The following AJAP1 variants were observed in gnomAD, a reference collection of about 807,000 sequenced individuals.
AJAP1 encodes adherens junction-associated protein 1.
Under a neutral mutation model 35.0 loss-of-function variants are expected in AJAP1, and 5 were observed. The observed-to-expected ratio is 0.14, with a 90% confidence interval of 0.07 to 0.30. AJAP1 has a LOEUF of 0.30. Among genes scored for constraint, AJAP1 ranks in the 10% least tolerant of loss-of-function variants. The probability of loss-of-function intolerance (pLI) is 1.00; values close to 1 mark genes in which losing one functional copy is unlikely to be tolerated. For missense variants in AJAP1, 586 were observed against 571.0 expected, an observed-to-expected ratio of 1.03 and a Z score of -0.27; for synonymous variants, 284 against 249.3, an observed-to-expected ratio of 1.14 and a Z score of -1.31.
Position 4,713,831 on chromosome 1 carries a change from T to C in AJAP1, c.829+1132T>C, listed in dbSNP as rs569957009. On this transcript the variant is annotated intron_variant, in intron 2 of 5. Transcript: ENST00000378191. ...CCTGTGGCCTCCTCACAGCTTGCTT[T>C]CCACAACCTCCAGCTTGTGGGCTCG... Among the ~76,000 whole-genome samples, 23 of 152,374 alleles carry C rather than the reference T, an allele frequency of 1.5e-4. No individual in the cohort carries two copies. The South Asian group carries it at 3.1e-3, about 21-fold the overall frequency.
intron 1 of AJAP1, among the ~76,000 whole-genome samples, chr1:4,699,803 CCTT>C (rs1413390869): frequency 1.3e-5 from 2 of 152,182 alleles, no homozygotes; most frequent in Non-Finnish European, 2.9e-5. Context: ...CTGTGTTTTT[CCTT>C]CTTCTGCAAG....
In AJAP1 at chr1:4,792,043, T is replaced by A. The variant is rs1642256191; in HGVS notation, c.*9558T>A. 6.6e-6 allele frequency: 1 copy of A among 152,328 alleles called. No homozygotes were observed. Among genetic ancestry groups the A allele is most frequent in the Non-Finnish European group, 1.5e-5 (1 of 68,032 alleles). 9.4% of individuals were successfully genotyped at this position (152,328 alleles called of 1,614,324 possible). On this transcript the variant is annotated 3_prime_UTR_variant, in exon 6 of 6. Transcript: ENST00000378191. ...TTATTCCCCCGCCCCCTCACCCATG[T>A]ATACCAAAACTGGTTTTATTTTCAT... is the stretch of plus-strand genomic sequence containing the variant.
chr1:4,658,194 G>C (rs1277059881), intron 1 of AJAP1, among the ~76,000 whole-genome samples: 1 of 152,190 alleles, frequency 6.6e-6, no homozygotes, highest in Non-Finnish European at 1.5e-5. Flanking sequence ...GCTCAGGACT[G>C]TGATCCCTAG....
chr1:4,747,144 G>T (rs545757871), intron 2 of AJAP1, among the ~76,000 whole-genome samples: 1 of 152,198 alleles, frequency 6.6e-6, no homozygotes, highest in Non-Finnish European at 1.5e-5. Flanking sequence ...AGAGGAAGAG[G>T]TCCCACAGAG....
chr1:4,723,786 T>C lies in AJAP1; in HGVS notation c.829+11087T>C, dbSNP rs1030226920. Among the ~76,000 whole-genome samples the C allele has an allele frequency of 6.6e-6, 1 of 151,854 alleles. No individual in the cohort carries two copies. The highest frequency in any genetic ancestry group is 1.5e-5 in the Non-Finnish European group (1 of 67,998). ...GGATTTTGGTTGTTCTGTTTCGTTT[T>C]GATTTTTTTTTTTATCGTGGGAGTA... On this transcript the variant is annotated intron_variant, in intron 2 of 5. Transcript: ENST00000378191. The surrounding 1 kb of genome is among the most constrained non-coding windows in gnomAD (Gnocchi z 4.3).
Position 4,702,821 on chromosome 1 carries a change from G to GGCC in AJAP1, c.30-9078_30-9076dup, listed in dbSNP as rs1640017639. Among the ~76,000 whole-genome samples, 3 of 152,298 alleles carry GGCC rather than the reference G, an allele frequency of 2.0e-5. No homozygotes were observed. In the South Asian group the frequency reaches 6.2e-4, roughly 32 times the overall value. On this transcript the variant is annotated intron_variant, in intron 1 of 5. Coordinates refer to ENST00000378191, the MANE Select transcript of AJAP1 (RefSeq NM_018836.4). ...CAGAGCTGTCTGGGGAAGCTTCGTG[G>GGCC]GCCTTGACCTCAGAGCAGGAGCTAG...
chr1:4,772,605 G>T (rs923582067), intron 4 of AJAP1, 80 bp downstream of exon 4: 43 of 1,567,268 alleles, frequency 2.7e-5, no homozygotes, highest in Non-Finnish European at 5.2e-6. Context: ...TGGCTGAGCT[G>T]AGAGCTGTTG....
chr1:4,670,499 T>C (rs1313607300), intron 1 of AJAP1, among the ~76,000 whole-genome samples: 1 of 152,216 alleles, frequency 6.6e-6, no homozygotes, highest in East Asian at 1.9e-4. Context: ...AAGGAACTTG[T>C]GACCCACCCA....
intron 2 of AJAP1, among the ~76,000 whole-genome samples, chr1:4,749,294 C>T (rs1302312865): frequency 6.6e-6 from 1 of 152,222 alleles, no homozygotes; most frequent in Non-Finnish European, 1.5e-5. Flanking sequence ...CCAAGTCTTG[C>T]TCTGCTCGAA....
At chr1:4,746,725 C>A (rs1641196700) in intron 2 of AJAP1, among the ~76,000 whole-genome samples, 1 of 152,236 alleles carries the variant, frequency 6.6e-6, no homozygotes, top group East Asian at 1.9e-4. Flanking sequence ...CAGCAGGCAG[C>A]CTCTGGGGTG....
rs1642157558 is a variant in AJAP1 at position 4,786,116 on chromosome 1, T to A, written c.*3631T>A. The A allele has an allele frequency of 6.6e-6, 1 of 152,190 alleles. No individual in the cohort carries two copies. The highest frequency in any genetic ancestry group is 1.5e-5 in the Non-Finnish European group (1 of 68,028). 9.4% of individuals were successfully genotyped at this position (152,190 alleles called of 1,614,324 possible). ...CCCACCGTTTCCCATTGGGCTCAGA[T>A]TCCAGCCATTACCGAGACAAATCCA... On this transcript the variant is annotated 3_prime_UTR_variant, in exon 6 of 6. Coordinates refer to ENST00000378191, the MANE Select transcript of AJAP1 (RefSeq NM_018836.4).
chr1:4,667,092 G>A (rs1639146207), intron 1 of AJAP1, among the ~76,000 whole-genome samples: 1 of 152,112 alleles, frequency 6.6e-6, no homozygotes, highest in South Asian at 2.1e-4. Context: ...CCTGGGGTAA[G>A]CAGAGGGAGG....
At chr1:4,747,840 G>A (rs1641225249) in intron 2 of AJAP1, among the ~76,000 whole-genome samples, 1 of 151,876 alleles carries the variant, frequency 6.6e-6, no homozygotes, top group South Asian at 2.1e-4. Context: ...ATACAAAAAT[G>A]TGCCGGGCGT....
chr1:4,726,100 A>G (rs1640651363), intron 2 of AJAP1, among the ~76,000 whole-genome samples: 2 of 150,238 alleles, frequency 1.3e-5, no homozygotes, highest in African/African-American at 5.0e-5. Flanking sequence ...GGGATGGGGG[A>G]GGAAATGGAG....
chr1:4,748,603 C>G (rs1383812493), intron 2 of AJAP1, among the ~76,000 whole-genome samples: 1 of 151,996 alleles, frequency 6.6e-6, no homozygotes, highest in East Asian at 1.9e-4. Context: ...CAAAAATTAG[C>G]CAGGCATGAT....
intron 1 of AJAP1, among the ~76,000 whole-genome samples, chr1:4,680,369 C>T (rs139055143): frequency 3.2e-4 from 48 of 152,268 alleles, no homozygotes; most frequent in African/African-American, 1.1e-3. Context: ...CCAATATGAC[C>T]TCATCTTAAA....
At chr1:4,724,056 G>A (rs1214091169) in intron 2 of AJAP1, among the ~76,000 whole-genome samples, 1 of 152,220 alleles carries the variant, frequency 6.6e-6, no homozygotes, top group Non-Finnish European at 1.5e-5. Flanking sequence ...GTGAGAGCCT[G>A]TGATAGTTGG....
At chr1:4,777,426 C>T (rs922602805) in intron 5 of AJAP1, 4 of 152,188 alleles carry the variant, frequency 2.6e-5, no homozygotes, top group African/African-American at 9.7e-5. Context: ...GCCAGTGGCT[C>T]CTGGGCAGAT....
intron 2 of AJAP1, among the ~76,000 whole-genome samples, chr1:4,714,788 A>G (rs1640350645): frequency 6.6e-6 from 1 of 152,194 alleles, no homozygotes; most frequent in South Asian, 2.1e-4. Context: ...AGCAGCGCTC[A>G]TCAGGGCTAG....
Sources: allele counts gnomAD v4.1 joint callset (sites outside exome capture counted in the v4.1 genomes callset), GRCh38; gene constraint gnomAD v4.1.1; non-coding constraint Gnocchi (gnomAD v3.1); transcripts MANE v1.5; gene names NCBI Gene and HGNC (gene_info 2026-07-23, HGNC 2026-07-21).